Variants in CCDC7 observed in about 807,000 individuals in gnomAD.
The protein encoded by CCDC7 is coiled-coil domain containing 7.
Under a neutral mutation model 196.9 loss-of-function variants are expected in CCDC7, and 183 were observed. The observed-to-expected ratio is 0.93, with a 90% CI of 0.82 to 1.05. CCDC7 has a LOEUF of 1.05. Ranked by LOEUF, CCDC7 falls within the 50% of genes least tolerant of loss-of-function variation. The pLI, the probability that CCDC7 is intolerant of heterozygous loss-of-function variation, is 0.00. For synonymous variants in CCDC7, 525 were observed against 484.6 expected (o/e 1.08, Z -1.10); for missense variants, 1,540 against 1,482.2 (o/e 1.04, Z -0.64).
At chr10:32,676,097 T>A (rs1472408690) in intron 21 of CCDC7, among the ~76,000 whole-genome samples, 1 of 150,238 alleles carries the variant, frequency 6.7e-6, no homozygotes, top group Non-Finnish European at 1.5e-5. Flanking sequence ...TACAACTACC[T>A]GATCTTTGTC....
intron 20 of CCDC7, among the ~76,000 whole-genome samples, chr10:32,643,257 C>A (rs943993308): frequency 1.3e-5 from 2 of 152,070 alleles, no homozygotes; most frequent in Non-Finnish European, 2.9e-5. Context: ...ATGAAAGGAA[C>A]CTTCTGAATC....
At chr10:32,811,508 G>A (rs11009092) in intron 30 of CCDC7, among the ~76,000 whole-genome samples, 20,983 of 152,038 alleles carry the variant, frequency 0.14, 1,755 homozygotes, top group East Asian at 0.25. Context: ...AAAAGAATAA[G>A]TTATAAAGTT....
chr10:32,551,258 T>A (rs2053428631), intron 13 of CCDC7, among the ~76,000 whole-genome samples: 1 of 152,178 alleles, frequency 6.6e-6, no homozygotes, highest in African/African-American at 2.4e-5. Context: ...TCCTGTTTTA[T>A]TTCTTAGTGA....
chr10:32,512,850 A>G (rs927655748), intron 9 of CCDC7: 2 of 152,218 alleles, frequency 1.3e-5, no homozygotes, highest in African/African-American at 2.4e-5. Flanking sequence ...GAGATGCTCA[A>G]TCTCACCGTG....
At chr10:32,816,364 G>A (rs903856704) in intron 31 of CCDC7, among the ~76,000 whole-genome samples, 11 of 152,190 alleles carry the variant, frequency 7.2e-5, no homozygotes, top group South Asian at 2.1e-4. Flanking sequence ...GGAGCCCACC[G>A]CAGCTCAAGG....
At chr10:32,649,784 C>T (rs1019485798) in intron 20 of CCDC7, among the ~76,000 whole-genome samples, 4 of 152,130 alleles carry the variant, frequency 2.6e-5, no homozygotes, top group Non-Finnish European at 4.4e-5. Context: ...GAGATTCTTT[C>T]CTCAACTTGG....
At chr10:32,835,038 A>G (rs2092494628) in intron 33 of CCDC7, 140 bp downstream of exon 34, 6 of 485,070 alleles carry the variant, frequency 1.2e-5, no homozygotes, top group Non-Finnish European at 2.3e-5. Flanking sequence ...AATTTGTGGA[A>G]CTCTAGTATT....
chr10:32,881,648 A>C (rs987254848), downstream of CCDC7, among the ~76,000 whole-genome samples: 50 of 151,918 alleles, frequency 3.3e-4, no homozygotes, highest in African/African-American at 1.2e-3. Context: ...CCCTTTTATC[A>C]CCTTCCTAGC....
intron 18 of CCDC7, among the ~76,000 whole-genome samples, chr10:32,615,195 A>G (rs996565499): frequency 1.3e-5 from 2 of 152,154 alleles, no homozygotes; most frequent in Admixed American, 6.6e-5. Flanking sequence ...TATATATCCA[A>G]TAGTGGGATG....
chr10:32,734,621 G>A (rs562722842), intron 28 of CCDC7, among the ~76,000 whole-genome samples: 4 of 152,234 alleles, frequency 2.6e-5, no homozygotes, highest in Admixed American at 1.3e-4. Flanking sequence ...TAGGCTGGGC[G>A]CAGTGGCTCA....
chr10:32,848,631 C>G (rs752177512), exon 39 of CCDC7: 1 of 1,514,162 alleles, frequency 6.6e-7, no homozygotes, highest in Admixed American at 1.7e-5. Flanking sequence ...TATGTCCGTA[C>G]AACGTCAAGA....
rs570659173 is a variant in CCDC7, at chr10:32,692,595, C to T, written c.2345-2284C>T. 2.1e-4 allele frequency among the ~76,000 whole-genome samples: 32 copies of T among 152,258 alleles called. 1 individual carries two copies. The Middle Eastern group carries it at 0.014, about 65-fold the overall frequency. ...ACTAGTACCTACCAAAGTGTTCCTTCCAGAAAGGCTTTGTGCTTCATTGAC... is the reference window on the plus strand; with the variant it reads ...ACTAGTACCTACCAAAGTGTTCCTTTCAGAAAGGCTTTGTGCTTCATTGAC... On this transcript the variant is annotated intron_variant, in intron 23 of 41. Coordinates refer to ENST00000639629, the Ensembl canonical transcript of CCDC7.
intron 29 of CCDC7, among the ~76,000 whole-genome samples, chr10:32,786,914 G>A (rs1032410673): frequency 6.6e-6 from 1 of 152,126 alleles, no homozygotes; most frequent in Non-Finnish European, 1.5e-5. Context: ...TAGTTGAAAA[G>A]TATAATAGTT....
chr10:32,576,733 T>A (rs1347180109), intron 16 of CCDC7, among the ~76,000 whole-genome samples: 2 of 151,996 alleles, frequency 1.3e-5, no homozygotes, highest in Admixed American at 1.3e-4. Context: ...TTATTTTTTA[T>A]AGAGACTCAG....
chr10:32,870,273 C>T (rs374833352), intron 41 of CCDC7, among the ~76,000 whole-genome samples: 1 of 151,998 alleles, frequency 6.6e-6, no homozygotes, highest in East Asian at 1.9e-4. Flanking sequence ...TTTTATTTCA[C>T]TGAGCAGTGG....
At chr10:32,660,120 T>C (rs893551205) in intron 20 of CCDC7, among the ~76,000 whole-genome samples, 1 of 152,022 alleles carries the variant, frequency 6.6e-6, no homozygotes, top group Admixed American at 6.6e-5. Context: ...TTTTCTTTTT[T>C]TTTTCTTTTT....
chr10:32,717,099 G>T (rs185981123), intron 25 of CCDC7, among the ~76,000 whole-genome samples: 1 of 152,050 alleles, frequency 6.6e-6, no homozygotes, highest in Non-Finnish European at 1.5e-5. Context: ...GCACCACGTC[G>T]CACTTATTCT....
chr10:32,882,349 A>G (rs2094822184), intron 22 of CCDC7, among the ~76,000 whole-genome samples: 1 of 152,180 alleles, frequency 6.6e-6, no homozygotes, highest in Non-Finnish European at 1.5e-5. Flanking sequence ...TTAGATATCA[A>G]GCATGAGAGA....
chr10:32,691,103 C>T (rs1388769563), intron 23 of CCDC7, among the ~76,000 whole-genome samples: 1 of 152,174 alleles, frequency 6.6e-6, no homozygotes, highest in Non-Finnish European at 1.5e-5. Flanking sequence ...TCTCAGATTA[C>T]CACTGGTAAC....
Sources: allele counts gnomAD v4.1 joint callset (sites outside exome capture counted in the v4.1 genomes callset), GRCh38; gene constraint gnomAD v4.1.1; transcripts MANE v1.5; gene names NCBI Gene and HGNC (gene_info 2026-07-23, HGNC 2026-07-21).